The following ADGRG5 variants were observed in gnomAD, a reference collection of about 807,000 sequenced individuals.
The protein encoded by ADGRG5 is adhesion G protein-coupled receptor G5.
In ADGRG5, 37 loss-of-function variants were observed where a neutral mutation model predicts 53.2. That is an observed-to-expected ratio of 0.70 (90% CI 0.53 to 0.91). The LOEUF (loss-of-function observed/expected upper bound fraction) is 0.91, where lower values mean the gene tolerates loss of function less well. Among genes scored for constraint, ADGRG5 ranks in the 40% least tolerant of loss-of-function variants. The pLI, the probability that ADGRG5 is intolerant of heterozygous loss-of-function variation, is 0.00. For synonymous variants in ADGRG5, 277 were observed against 290.4 expected (o/e 0.95, Z 0.47); for missense variants, 614 against 675.8 (o/e 0.91, Z 1.01).
chr16:57,549,528 C>G (rs1028553278), intron 1 of ADGRG5, among the ~76,000 whole-genome samples: 1 of 152,164 alleles, frequency 6.6e-6, no homozygotes, highest in African/African-American at 2.4e-5. Context: ...TCTTCATCCT[C>G]TTAATATGTT....
Position 57,563,941 on chromosome 16 carries a change from C to T in ADGRG5, c.391C>T (p.Leu131Phe), listed in dbSNP as rs2033067430. 1 of 1,613,944 alleles carries T rather than the reference C, an allele frequency of 6.2e-7. No homozygotes were observed. Among genetic ancestry groups the T allele is most frequent in the Non-Finnish European group, 8.5e-7 (1 of 1,179,956 alleles). Reference protein sequence around the residue: ...ACKTRPRELRLICIYFSNTHF... With the variant: ...ACKTRPRELRFICIYFSNTHF... Reference sequence around the variant, plus strand: ...CAAGACCCGCCCCAGGGAGCTGCGGCTCATCTGTATCTACTTCTCCAACAC... The same window carrying T: ...CAAGACCCGCCCCAGGGAGCTGCGGTTCATCTGTATCTACTTCTCCAACAC... Residue 131 changes from leucine (L) to phenylalanine (F), a missense_variant, in exon 5 of 12, where the codon CTC becomes TTC. By Grantham distance (22) the Leu-to-Phe change is conservative. Coordinates refer to ENST00000349457, the MANE Select transcript of ADGRG5 (RefSeq NM_001304376.3).
chr16:57,554,668 G>A (rs1051182039), intron 1 of ADGRG5, among the ~76,000 whole-genome samples: 12 of 152,074 alleles, frequency 7.9e-5, no homozygotes, highest in Non-Finnish European at 1.0e-4. Flanking sequence ...GAGCCACCAC[G>A]CTCGGCCATA....
the ADGRG5 span, among the ~76,000 whole-genome samples, chr16:57,536,900 G>A: frequency 6.6e-6 from 1 of 152,170 alleles, no homozygotes; most frequent in Non-Finnish European, 1.5e-5. Context: ...AGCAGAAACG[G>A]CCACCGCGGG....
the ADGRG5 span, chr16:57,536,379 T>G: frequency 2.6e-5 from 4 of 152,372 alleles, no homozygotes; most frequent in African/African-American, 7.2e-5. Flanking sequence ...GCCCCGACTG[T>G]GTCTGCTCCT....
rs866247036 is a variant in ADGRG5, at chr16:57,569,801, T to G, written c.1091-617T>G. Among the ~76,000 whole-genome samples the G allele has an allele frequency of 2.8e-5, 4 of 140,796 alleles. No individual in the cohort carries two copies. The South Asian group carries it at 9.4e-4, about 33-fold the overall frequency. 92.4% of individuals were successfully genotyped at this position (140,796 alleles called of 152,430 possible). On this transcript the variant is annotated intron_variant, in intron 9 of 11. Transcript: ENST00000349457. ...TCCATCATCACCATCACCTCCTCCA[T>G]CTCCTCCACCTCTATCATCATCATT...
intron 1 of ADGRG5, among the ~76,000 whole-genome samples, chr16:57,556,383 T>C (rs2032883609): frequency 6.6e-6 from 1 of 152,242 alleles, no homozygotes; most frequent in South Asian, 2.1e-4. Context: ...TCTTTGTTTC[T>C]TTTTCTTCTT....
At chr16:57,564,095 C>A in intron 5 of ADGRG5, 116 bp downstream of exon 5, 1 of 1,144,024 alleles carries the variant, frequency 8.7e-7, no homozygotes, top group Non-Finnish European at 1.3e-6. Context: ...GACCAACCAG[C>A]CATCTGTGCA....
At chr16:57,532,829 G>GGGA in the ADGRG5 span, among the ~76,000 whole-genome samples, 21 of 152,172 alleles carry the variant, frequency 1.4e-4, no homozygotes, top group Admixed American at 5.2e-4. Flanking sequence ...GTGGGGGGAG[G>GGGA]GGAGGAGGAG....
upstream of ADGRG5, among the ~76,000 whole-genome samples, chr16:57,538,888 T>C (rs1209906677): frequency 6.6e-6 from 1 of 152,204 alleles, no homozygotes; most frequent in African/African-American, 2.4e-5. Context: ...TTCATATAGC[T>C]AGGTAAATAG....
At chr16:57,529,290 C>T in the ADGRG5 span, 1 of 1,118,900 alleles carries the variant, frequency 8.9e-7, no homozygotes, top group Non-Finnish European at 1.1e-6. This position sits in a 1 kb window ranked among gnomAD's most constrained non-coding sequence, Gnocchi z 4.1. Flanking sequence ...CCCCGCTTCC[C>T]TCTGGGCCAC....
chr16:57,544,150 C>T (rs1322832300), intron 1 of ADGRG5, among the ~76,000 whole-genome samples: 2 of 152,144 alleles, frequency 1.3e-5, no homozygotes, highest in Non-Finnish European at 2.9e-5. Flanking sequence ...GGGGGTAGTG[C>T]CCTGGACCGT....
the ADGRG5 span, among the ~76,000 whole-genome samples, chr16:57,531,263 C>T: frequency 6.6e-6 from 1 of 150,762 alleles, no homozygotes; most frequent in South Asian, 2.2e-4. Flanking sequence ...GGTGCTCCTC[C>T]GAGAGAAGGC....
At chr16:57,554,537 C>T (rs146490821) in intron 1 of ADGRG5, among the ~76,000 whole-genome samples, 66 of 152,112 alleles carry the variant, frequency 4.3e-4, no homozygotes, top group South Asian at 2.3e-3. Context: ...CCACCATGCC[C>T]GGCTAACTTT....
At chr16:57,560,093 T>G (rs1490851835) in intron 1 of ADGRG5, among the ~76,000 whole-genome samples, 2 of 152,234 alleles carry the variant, frequency 1.3e-5, no homozygotes, top group African/African-American at 4.8e-5. Flanking sequence ...CTCTTCCTTA[T>G]TTTTTTCTTG....
intron 1 of ADGRG5, chr16:57,543,210 C>G (rs2031623139): frequency 6.6e-6 from 1 of 150,808 alleles, no homozygotes; most frequent in Non-Finnish European, 1.5e-5. Flanking sequence ...CACAGACTTC[C>G]TGTTGGGCTC....
chr16:57,531,023 CT>C, the ADGRG5 span, among the ~76,000 whole-genome samples: 2 of 151,976 alleles, frequency 1.3e-5, no homozygotes, highest in East Asian at 1.9e-4. Context: ...GGTGAACCCC[CT>C]GGGCTTATCC....
At chr16:57,565,194 C>T (rs1201628826) in intron 6 of ADGRG5, 44 bp downstream of exon 6, 6 of 1,144,926 alleles carry the variant, frequency 5.2e-6, no homozygotes, top group African/African-American at 1.5e-5. Context: ...CCCTGCCCCT[C>T]TGTGACTCTC....
Position 57,567,848 on chromosome 16 carries a change from A to T in ADGRG5, c.822-8A>T, listed in dbSNP as rs1386037061. 6.2e-7 allele frequency: 1 copy of T among 1,604,588 alleles called. No individual in the cohort carries two copies. Among genetic ancestry groups the T allele is most frequent in the Non-Finnish European group, 8.5e-7 (1 of 1,177,718 alleles). On this transcript the variant is annotated splice_polypyrimidine_tract_variant and splice_region_variant and intron_variant, in intron 8 of 11. Coordinates refer to ENST00000349457, the MANE Select transcript of ADGRG5 (RefSeq NM_001304376.3). ...CTGGGCCATGGAGGACCATTCTCTC[A>T]CCTGCAGGAAGCAGAGTGACTCCTT...
At chr16:57,542,022 C>T (rs1365170901), upstream of ADGRG5, among the ~76,000 whole-genome samples, 1 of 152,248 alleles carries the variant, frequency 6.6e-6, no homozygotes, top group Non-Finnish European at 1.5e-5. Context: ...ATGACGGCTT[C>T]ATAGAGCACT....
Sources: allele counts gnomAD v4.1 joint callset (sites outside exome capture counted in the v4.1 genomes callset), GRCh38; gene constraint gnomAD v4.1.1; non-coding constraint Gnocchi (gnomAD v3.1); transcripts MANE v1.5; gene names NCBI Gene and HGNC (gene_info 2026-07-23, HGNC 2026-07-21).